SNX29: variants seen among roughly 807,000 people sequenced by gnomAD.
SNX29 encodes the protein sorting nexin 29, also known as sorting nexin-29.
In SNX29, 78 loss-of-function variants were observed where a neutral mutation model predicts 102.1. The observed-to-expected ratio is 0.76, with a 90% CI of 0.64 to 0.92. The LOEUF (loss-of-function observed/expected upper bound fraction) is 0.92. SNX29 is among the 40% of genes least tolerant of loss of function. The pLI, the probability that SNX29 is intolerant of heterozygous loss-of-function variation, is 0.00. For missense variants in SNX29, 1,280 were observed against 1,061.7 expected, an observed-to-expected ratio of 1.21 and a Z score of -2.86; for synonymous variants, 580 against 414.5, an observed-to-expected ratio of 1.40 and a Z score of -4.85.
chr16:12,233,000 G>A (rs1170102273), intron 14 of SNX29, among the ~76,000 whole-genome samples: 1 of 152,188 alleles, frequency 6.6e-6, no homozygotes, highest in Admixed American at 6.5e-5. Flanking sequence ...CTGAAACCCT[G>A]ACCCTCACAT....
intron 11 of SNX29, among the ~76,000 whole-genome samples, chr16:12,091,928 C>T (rs542011871): frequency 1.3e-5 from 2 of 152,188 alleles, no homozygotes; most frequent in Non-Finnish European, 2.9e-5. Context: ...CTTCCAGCTG[C>T]CAGAACTGTG....
At chr16:12,278,244 C>G (rs946560017) in intron 15 of SNX29, among the ~76,000 whole-genome samples, 1 of 152,092 alleles carries the variant, frequency 6.6e-6, no homozygotes, top group African/African-American at 2.4e-5. Flanking sequence ...AATATTGGAA[C>G]TTTTTGGCAC....
chr16:12,182,968 A>C (rs1226311985), intron 13 of SNX29, among the ~76,000 whole-genome samples: 4 of 147,274 alleles, frequency 2.7e-5, no homozygotes, highest in African/African-American at 1.0e-4. Flanking sequence ...GGACATCATG[A>C]GCTTTGCAAT....
At chr16:12,213,240 A>C (rs1385826232) in intron 14 of SNX29, among the ~76,000 whole-genome samples, 1 of 152,228 alleles carries the variant, frequency 6.6e-6, no homozygotes, top group Non-Finnish European at 1.5e-5. Flanking sequence ...GGAACAGAAA[A>C]ATAGCACATC....
intron 14 of SNX29, among the ~76,000 whole-genome samples, chr16:12,261,366 T>A (rs1390075234): frequency 7.6e-6 from 1 of 132,256 alleles, no homozygotes; most frequent in African/African-American, 3.0e-5. Context: ...GGAGTGAGTG[T>A]TTGCTGAGCT....
chr16:12,036,729 G>A (rs1641836), intron 4 of SNX29, among the ~76,000 whole-genome samples: 1 of 151,816 alleles, frequency 6.6e-6, no homozygotes, highest in Non-Finnish European at 1.5e-5. Flanking sequence ...CCCTCACCCC[G>A]CATGGCTGTG....
chr16:12,515,501 C>G (rs1444982639), intron 19 of SNX29: 1 of 487,880 alleles, frequency 2.0e-6, no homozygotes, highest in Non-Finnish European at 4.1e-6. Flanking sequence ...TTCTCCTTGC[C>G]TCCCCAGCCG....
chr16:12,550,443 G>A lies in SNX29; in HGVS notation c.2319-18063G>A, dbSNP rs537467444. On this transcript the variant is annotated intron_variant, in intron 20 of 20. Coordinates refer to ENST00000566228, the MANE Select transcript of SNX29 (RefSeq NM_032167.5). ...CCACCTACTTGGGAGGCTGAGGCAG[G>A]AGAATCACTTAAACCCGGGAGGTGG... Among the ~76,000 whole-genome samples the A allele has an allele frequency of 4.4e-4, 66 of 151,342 alleles. No individual in the cohort carries two copies. In the South Asian group the frequency reaches 0.014, roughly 31 times the overall value.
intron 1 of SNX29, 165 bp downstream of exon 1, chr16:11,976,978 C>A: frequency 1.1e-6 from 1 of 873,800 alleles, no homozygotes; most frequent in Non-Finnish European, 1.5e-6. Context: ...GGCTCGTGGC[C>A]CCTGCTCACC....
At chr16:12,420,772 A>G (rs2084841491) in intron 18 of SNX29, among the ~76,000 whole-genome samples, 1 of 152,188 alleles carries the variant, frequency 6.6e-6, no homozygotes, top group Admixed American at 6.5e-5. Flanking sequence ...CCTCAGGGAA[A>G]TGATGGACGC....
intron 14 of SNX29, among the ~76,000 whole-genome samples, chr16:12,206,857 T>C (rs1310390639): frequency 2.0e-5 from 3 of 147,124 alleles, no homozygotes; most frequent in Non-Finnish European, 4.5e-5. Context: ...ATGATTCCAG[T>C]GTGCAGGTTG....
intron 20 of SNX29, among the ~76,000 whole-genome samples, chr16:12,534,718 C>G (rs1299986615): frequency 1.3e-5 from 2 of 152,222 alleles, no homozygotes; most frequent in Admixed American, 1.3e-4. Context: ...ACTCCCCTGT[C>G]ACTCACTGCC....
At chr16:12,245,915 G>A (rs1184105468) in intron 14 of SNX29, among the ~76,000 whole-genome samples, 3 of 152,186 alleles carry the variant, frequency 2.0e-5, no homozygotes, top group African/African-American at 7.2e-5. Context: ...ATTTGACTGT[G>A]GGAGAGTAAC....
chr16:12,282,171 G>A (rs1329667053), intron 15 of SNX29, among the ~76,000 whole-genome samples: 6 of 150,978 alleles, frequency 4.0e-5, no homozygotes, highest in African/African-American at 7.3e-5. Flanking sequence ...ACTCTCTGCC[G>A]TGCTTTGGAA....
intron 14 of SNX29, among the ~76,000 whole-genome samples, chr16:12,243,233 C>A (rs2078165479): frequency 6.6e-6 from 1 of 152,184 alleles, no homozygotes; most frequent in African/African-American, 2.4e-5. Flanking sequence ...CATTTGATGC[C>A]ACTCTAGGGC....
At chr16:12,473,984 A>T (rs2087476632) in intron 18 of SNX29, among the ~76,000 whole-genome samples, 1 of 152,290 alleles carries the variant, frequency 6.6e-6, no homozygotes, top group Non-Finnish European at 1.5e-5. Context: ...TTTCCTAATC[A>T]ACTTGCTTTC....
chr16:12,000,291 C>G (rs1039205180), intron 2 of SNX29: 1 of 152,646 alleles, frequency 6.6e-6, no homozygotes, highest in African/African-American at 2.4e-5. Context: ...TTTAATCCTT[C>G]TAACAACACT....
chr16:12,379,531 C>G (rs1036175700), intron 16 of SNX29, among the ~76,000 whole-genome samples: 4 of 152,322 alleles, frequency 2.6e-5, no homozygotes, highest in South Asian at 4.1e-4. Context: ...GGACTGTGCC[C>G]TTTAGCCACT....
At chr16:12,493,857 G>GCT (rs2088675501) in intron 19 of SNX29, among the ~76,000 whole-genome samples, 1 of 152,216 alleles carries the variant, frequency 6.6e-6, no homozygotes, top group Non-Finnish European at 1.5e-5. Flanking sequence ...CTCCCAAAAT[G>GCT]CTGGGGTTAC....
Sources: gnomAD v4.1 joint callset for allele counts (sites outside exome capture counted in the v4.1 genomes callset) on GRCh38, gnomAD v4.1.1 for gene constraint, MANE v1.5 for transcripts, NCBI Gene and HGNC (gene_info 2026-07-23, HGNC 2026-07-21) for gene names.